The following UQCC1 variants were observed in gnomAD, a reference collection of about 807,000 sequenced individuals.
UQCC1 encodes ubiquinol-cytochrome c reductase complex assembly factor 1.
Under a neutral mutation model 48.0 loss-of-function variants are expected in UQCC1, and 38 were observed. The observed-to-expected ratio is 0.79, with a 90% CI of 0.61 to 1.04. The LOEUF is 1.04. Ranked by LOEUF, UQCC1 falls within the 50% of genes least tolerant of loss-of-function variation. The pLI is 0.00. For synonymous variants in UQCC1, 111 were observed against 129.2 expected, an observed-to-expected ratio of 0.86 and a Z score of 0.95; for missense variants, 368 against 381.8, an observed-to-expected ratio of 0.96 and a Z score of 0.30.
chr20:35,384,177 A>G (rs2061910147), intron 2 of UQCC1, 44 bp from the exon 3 acceptor site: 2 of 1,516,902 alleles, frequency 1.3e-6, no homozygotes, highest in African/African-American at 2.7e-5. Context: ...GAGCACTTAC[A>G]GGGTTAATCT....
At chr20:35,410,404 C>T (rs542797401) in intron 1 of UQCC1, among the ~76,000 whole-genome samples, 45 of 151,158 alleles carry the variant, frequency 3.0e-4, no homozygotes, top group African/African-American at 1.0e-3. Flanking sequence ...TGGTGGCAGG[C>T]GCCTGTAATC....
intron 3 of UQCC1, among the ~76,000 whole-genome samples, chr20:35,383,575 TA>T: frequency 6.6e-6 from 1 of 151,874 alleles, no homozygotes. Flanking sequence ...CCTCATCTGT[TA>T]AAAAAAATTT....
intron 2 of UQCC1, chr20:35,384,647 G>A (rs777824158): frequency 1.3e-5 from 4 of 311,180 alleles, no homozygotes; most frequent in African/African-American, 3.5e-5. Context: ...GACCCTGTCT[G>A]TAAAAAAAAA....
In UQCC1 at chr20:35,375,794, A is replaced by C. The variant is rs187858307; in HGVS notation, c.334-1538T>G. On this transcript the variant is annotated intron_variant, in intron 4 of 9. Coordinates refer to ENST00000374385, the MANE Select transcript of UQCC1 (RefSeq NM_018244.5). Reference sequence around the variant, plus strand: ...GGCAAAACGTTTCCATCTCTACCAAAAATACAAAAATTAGCTGGCCATGGT... The same window carrying C: ...GGCAAAACGTTTCCATCTCTACCAACAATACAAAAATTAGCTGGCCATGGT... Among the ~76,000 whole-genome samples, 4 of 152,046 alleles carry C rather than the reference A, an allele frequency of 2.6e-5. No homozygotes were observed. The East Asian group carries it at 7.8e-4, about 30-fold the overall frequency.
intron 6 of UQCC1, among the ~76,000 whole-genome samples, chr20:35,359,344 C>T (rs79399344): frequency 6.6e-6 from 1 of 152,218 alleles, no homozygotes; most frequent in Admixed American, 6.5e-5. Flanking sequence ...TGAGCTCCCC[C>T]CTTTTTCTCC....
intron 7 of UQCC1, among the ~76,000 whole-genome samples, chr20:35,325,610 T>TA (rs911935704): frequency 6.6e-6 from 1 of 151,612 alleles, no homozygotes; most frequent in Non-Finnish European, 1.5e-5. Context: ...ATGCTGGAGG[T>TA]AAAAAAATCA....
At chr20:35,348,795 A>T (rs1447695158) in intron 6 of UQCC1, among the ~76,000 whole-genome samples, 1 of 152,156 alleles carries the variant, frequency 6.6e-6, no homozygotes, top group Non-Finnish European at 1.5e-5. Flanking sequence ...CTGAGATTAC[A>T]GGTGTGCACC....
At chr20:35,408,991 T>A (rs1255563424) in intron 1 of UQCC1, among the ~76,000 whole-genome samples, 1 of 152,192 alleles carries the variant, frequency 6.6e-6, no homozygotes, top group African/African-American at 2.4e-5. Flanking sequence ...CACAAAGTAG[T>A]TAAACTCACG....
chr20:35,366,183 C>T (rs2049277365), intron 6 of UQCC1, among the ~76,000 whole-genome samples: 2 of 152,144 alleles, frequency 1.3e-5, no homozygotes, highest in African/African-American at 4.8e-5. Flanking sequence ...TTTCTGATGA[C>T]CAGCAATGAA....
At chr20:35,360,282 G>A (rs1013529042) in intron 6 of UQCC1, among the ~76,000 whole-genome samples, 5 of 152,132 alleles carry the variant, frequency 3.3e-5, no homozygotes, top group African/African-American at 1.2e-4. Flanking sequence ...TCCAGCAGAA[G>A]CCTGAATGCC....
chr20:35,310,860 T>A (rs1039289302), intron 8 of UQCC1, among the ~76,000 whole-genome samples: 2 of 63,226 alleles, frequency 3.2e-5, no homozygotes, highest in Non-Finnish European at 6.8e-5. Context: ...GCCGGGCTAA[T>A]TTTTTTTTTT....
intron 6 of UQCC1, among the ~76,000 whole-genome samples, chr20:35,353,842 A>G (rs147579407): frequency 6.6e-6 from 1 of 152,286 alleles, no homozygotes; most frequent in African/African-American, 2.4e-5. Flanking sequence ...TAAAGTCTAC[A>G]GTAGTATACA....
intron 7 of UQCC1, among the ~76,000 whole-genome samples, chr20:35,320,194 T>C (rs1342810891): frequency 6.6e-6 from 1 of 152,182 alleles, no homozygotes; most frequent in Non-Finnish European, 1.5e-5. Flanking sequence ...AAGTCTGCCC[T>C]CTCCCCCATC....
At chr20:35,359,908 C>T (rs575736835) in intron 6 of UQCC1, among the ~76,000 whole-genome samples, 51 of 152,286 alleles carry the variant, frequency 3.3e-4, no homozygotes, top group African/African-American at 1.2e-3. Context: ...CAAACTCCCT[C>T]ACTATGAAGC....
intron 7 of UQCC1, among the ~76,000 whole-genome samples, chr20:35,323,502 A>G (rs1460211017): frequency 1.3e-5 from 2 of 152,378 alleles, no homozygotes; most frequent in East Asian, 3.9e-4. Flanking sequence ...AGCCATATGC[A>G]AAGGTCAAAA....
chr20:35,379,747 A>G (rs1429707714), intron 4 of UQCC1, among the ~76,000 whole-genome samples: 1 of 152,218 alleles, frequency 6.6e-6, no homozygotes. Context: ...CGGAGGTTAC[A>G]GTAGGCTGAG....
chr20:35,361,479 T>C (rs6141546), intron 6 of UQCC1, among the ~76,000 whole-genome samples: 82,516 of 151,938 alleles, frequency 0.54, 23,439 homozygotes, highest in East Asian at 0.72. Context: ...CACCTAAGCC[T>C]TAAGAGGGCA....
chr20:35,411,638 T>C (rs2062366199), intron 1 of UQCC1, among the ~76,000 whole-genome samples: 1 of 152,020 alleles, frequency 6.6e-6, no homozygotes, highest in Non-Finnish European at 1.5e-5. Flanking sequence ...CTCCAATCAG[T>C]GTCCTACATG....
chr20:35,353,878 CT>C (rs1336248047), intron 6 of UQCC1, among the ~76,000 whole-genome samples: 2 of 152,076 alleles, frequency 1.3e-5, no homozygotes, highest in Admixed American at 6.5e-5. Flanking sequence ...TCCAGAGCAA[CT>C]TCTAGTTCTG....
Sources: gnomAD v4.1 joint callset for allele counts (sites outside exome capture counted in the v4.1 genomes callset) on GRCh38, gnomAD v4.1.1 for gene constraint, MANE v1.5 for transcripts, NCBI Gene and HGNC (gene_info 2026-07-23, HGNC 2026-07-21) for gene names.